Variants in CSMD3 observed in about 807,000 individuals in gnomAD.
CSMD3 encodes the protein CUB and sushi domain-containing protein 3.
In CSMD3, 177 loss-of-function variants were observed where a neutral mutation model predicts 435.2. The observed-to-expected ratio is 0.41, with a 90% CI of 0.36 to 0.46. The LOEUF (loss-of-function observed/expected upper bound fraction) is 0.46, where lower values mean the gene tolerates loss of function less well. Ranked by LOEUF, CSMD3 falls within the 20% of genes least tolerant of loss-of-function variation. The pLI is 0.34. For synonymous variants in CSMD3, 1,656 were observed against 1,520.5 expected, an observed-to-expected ratio of 1.09 and a Z score of -2.07; for missense variants, 4,265 against 4,504.6, an observed-to-expected ratio of 0.95 and a Z score of 1.52.
At chr8:113,174,006 A>G (rs1325164101) in intron 3 of CSMD3, 90 bp from the exon 4 acceptor site, 2 of 919,034 alleles carry the variant, frequency 2.2e-6, no homozygotes, top group Non-Finnish European at 3.5e-6. Flanking sequence ...GTAGATATGG[A>G]TATTCTTATT....
chr8:112,314,096 T>C (rs778858520), intron 48 of CSMD3, 44 bp from the exon 49 acceptor site: 1 of 1,424,888 alleles, frequency 7.0e-7, no homozygotes, highest in African/African-American at 1.4e-5. Context: ...CTAATTATAT[T>C]CTCATTTGTC....
chr8:112,948,306 A>T (rs1245921398), intron 8 of CSMD3, among the ~76,000 whole-genome samples: 4 of 152,024 alleles, frequency 2.6e-5, no homozygotes. Flanking sequence ...ATACGACTTT[A>T]TGAAAAAAGT....
chr8:113,219,842 C>T (rs1563563150), intron 3 of CSMD3, among the ~76,000 whole-genome samples: 1 of 151,206 alleles, frequency 6.6e-6, no homozygotes, highest in Non-Finnish European at 1.5e-5. Context: ...ACATAATAAG[C>T]CAATGATGTG....
At chr8:112,314,822 T>C (rs1822314442) in intron 47 of CSMD3, among the ~76,000 whole-genome samples, 1 of 152,020 alleles carries the variant, frequency 6.6e-6, no homozygotes, top group Admixed American at 6.6e-5. Context: ...TGATTTATTT[T>C]TTATTACATG....
At chr8:113,000,140 G>A (rs749540581) in intron 6 of CSMD3, among the ~76,000 whole-genome samples, 1 of 151,920 alleles carries the variant, frequency 6.6e-6, no homozygotes, top group South Asian at 2.1e-4. Flanking sequence ...GAAGAATCAC[G>A]GTTAAAGAAA....
chr8:113,194,654 G>T (rs909859432), intron 3 of CSMD3, among the ~76,000 whole-genome samples: 1 of 151,150 alleles, frequency 6.6e-6, no homozygotes, highest in Non-Finnish European at 1.5e-5. Context: ...AGGCGAAGGA[G>T]ATGAAAACTT....
intron 9 of CSMD3, among the ~76,000 whole-genome samples, chr8:112,946,713 C>A (rs1449896854): frequency 6.6e-6 from 1 of 151,700 alleles, no homozygotes; most frequent in African/African-American, 2.4e-5. Context: ...GTCCCCAAAT[C>A]TTTTGAATTT....
intron 3 of CSMD3, among the ~76,000 whole-genome samples, chr8:113,255,073 C>T (rs1248628434): frequency 6.6e-6 from 1 of 152,084 alleles, no homozygotes. Context: ...TCTCAATTCA[C>T]ATACGTTCAC....
intron 1 of CSMD3, among the ~76,000 whole-genome samples, chr8:113,420,942 A>C (rs550697065): frequency 3.9e-5 from 6 of 152,068 alleles, no homozygotes; most frequent in Non-Finnish European, 7.4e-5. Flanking sequence ...TTAAAAAAAA[A>C]AAAGAAATGT....
At chr8:112,907,996 C>T (rs1303174823) in intron 10 of CSMD3, among the ~76,000 whole-genome samples, 2 of 151,318 alleles carry the variant, frequency 1.3e-5, no homozygotes, top group East Asian at 2.0e-4. Context: ...ATGTTACATA[C>T]TACATTTCTA....
intron 23 of CSMD3, among the ~76,000 whole-genome samples, chr8:112,584,754 G>C (rs1447244643): frequency 6.6e-6 from 1 of 151,120 alleles, no homozygotes. Flanking sequence ...CAGTCAAGGG[G>C]CAGCAGATTT....
intron 28 of CSMD3, among the ~76,000 whole-genome samples, chr8:112,509,213 C>T (rs888965121): frequency 3.9e-5 from 6 of 152,052 alleles, no homozygotes; most frequent in Non-Finnish European, 7.4e-5. Flanking sequence ...CCTCAGCCTC[C>T]CCAGTAACTG....
At chr8:113,319,205 C>A (rs987360411) in intron 1 of CSMD3, among the ~76,000 whole-genome samples, 4 of 152,074 alleles carry the variant, frequency 2.6e-5, no homozygotes, top group African/African-American at 9.6e-5. Context: ...CTTTTCTCCA[C>A]ATCCCTGACA....
chr8:112,703,861 C>A (rs1328886831), intron 13 of CSMD3, among the ~76,000 whole-genome samples: 2 of 152,054 alleles, frequency 1.3e-5, no homozygotes, highest in African/African-American at 2.4e-5. Context: ...AGGAGGAAAT[C>A]TATAACTGCC....
At chr8:113,037,514 A>G (rs1312779247) in intron 5 of CSMD3, among the ~76,000 whole-genome samples, 1 of 152,142 alleles carries the variant, frequency 6.6e-6, no homozygotes, top group African/African-American at 2.4e-5. Context: ...CTAACAATCT[A>G]CAAGCAAAAT....
chr8:112,314,062 G>A lies in CSMD3; in HGVS notation c.7550-10C>T, dbSNP rs760926841. On this transcript the variant is annotated splice_polypyrimidine_tract_variant and intron_variant, in intron 48 of 70. Transcript: ENST00000297405. The stretch of plus-strand genomic sequence containing the variant: ...CTTTGAATATTTGGTCCTTTGGGAA[G>A]AAAATAAAACAATTTAGATAAAGCT... The A allele has an allele frequency of 6.3e-7, 1 of 1,594,738 alleles. No individual in the cohort carries two copies. Among genetic ancestry groups the A allele is most frequent in the Non-Finnish European group, 8.6e-7 (1 of 1,163,568 alleles).
intron 20 of CSMD3, 45 bp downstream of exon 20, chr8:112,645,059 CAATGA>C: frequency 1.1e-6 from 1 of 931,274 alleles, no homozygotes; most frequent in Non-Finnish European, 1.8e-6. Context: ...AGAATAGACT[CAATGA>C]AAATTCAGAA....
chr8:112,413,642 G>A (rs113119683), intron 32 of CSMD3, among the ~76,000 whole-genome samples: 3 of 152,268 alleles, frequency 2.0e-5, no homozygotes, highest in African/African-American at 7.2e-5. Flanking sequence ...ATGTCATAAT[G>A]CACTAAAATG....
At chr8:113,376,872 G>A (rs553607063) in intron 1 of CSMD3, 1 of 1,610,108 alleles carries the variant, frequency 6.2e-7, no homozygotes, top group African/African-American at 1.3e-5. Flanking sequence ...GGATGATCTG[G>A]AAGATGAAGC....
Sources: allele counts gnomAD v4.1 joint callset (sites outside exome capture counted in the v4.1 genomes callset), GRCh38; gene constraint gnomAD v4.1.1; transcripts MANE v1.5; gene names NCBI Gene and HGNC (gene_info 2026-07-23, HGNC 2026-07-21).